ZNF469: variants seen among roughly 807,000 people sequenced by gnomAD.
ZNF469 encodes zinc finger protein 469.
In ZNF469, 1 loss-of-function variant was observed where a neutral mutation model predicts 1.0. The ratio of observed to expected loss-of-function variants is 1.00; its 90% CI spans 0.35 to 4.73. The LOEUF is 4.73. ZNF469 is among the 30% of genes most tolerant of loss of function. The probability of loss-of-function intolerance (pLI) is 0.16; values close to 1 mark genes in which losing one functional copy is unlikely to be tolerated. For synonymous variants in ZNF469, 2,703 were observed against 2,363.4 expected, an observed-to-expected ratio of 1.14 and a Z score of -4.17; for missense variants, 6,100 against 5,356.3, an observed-to-expected ratio of 1.14 and a Z score of -4.33.
chr16:88,159,573 C>G, the ZNF469 span, among the ~76,000 whole-genome samples: 334 of 152,260 alleles, frequency 2.2e-3, no homozygotes, highest in Non-Finnish European at 3.8e-3. Context: ...AAGGAGCAGC[C>G]CTTCCCCGCA....
chr16:88,423,294 G>A (rs57749289), intron 1 of ZNF469, among the ~76,000 whole-genome samples: 2 of 140,168 alleles, frequency 1.4e-5, no homozygotes, highest in Admixed American at 7.1e-5. Flanking sequence ...TGGATGGATA[G>A]GTGGGTGGAT....
the ZNF469 span, among the ~76,000 whole-genome samples, chr16:88,224,807 G>A: frequency 6.6e-6 from 1 of 152,194 alleles, no homozygotes; most frequent in African/African-American, 2.4e-5. Flanking sequence ...ACACACATGT[G>A]CCCTGGGCCC....
the ZNF469 span, among the ~76,000 whole-genome samples, chr16:88,138,299 G>A: frequency 6.6e-6 from 1 of 152,184 alleles, no homozygotes; most frequent in Middle Eastern, 3.2e-3. Flanking sequence ...TCCTAGTGCT[G>A]GGATCGGCCC....
the ZNF469 span, among the ~76,000 whole-genome samples, chr16:88,374,749 C>T: frequency 1.3e-5 from 2 of 152,176 alleles, no homozygotes; most frequent in Non-Finnish European, 2.9e-5. Context: ...GCGCCGTGTG[C>T]TGTGGGCTGA....
chr16:88,279,754 G>T, the ZNF469 span, among the ~76,000 whole-genome samples: 88 of 151,152 alleles, frequency 5.8e-4, no homozygotes, highest in Non-Finnish European at 9.8e-4. Flanking sequence ...CACTCGGTCA[G>T]TACCGTGTAG....
chr16:88,220,560 C>T, the ZNF469 span, among the ~76,000 whole-genome samples: 1 of 152,162 alleles, frequency 6.6e-6, no homozygotes, highest in Non-Finnish European at 1.5e-5. Context: ...TTACTGAGCC[C>T]CTGGAGCAAA....
At chr16:88,322,693 G>A in the ZNF469 span, among the ~76,000 whole-genome samples, 512 of 152,284 alleles carry the variant, frequency 3.4e-3, 1 homozygote, top group Non-Finnish European at 4.5e-3. Context: ...GTCAGGGGTC[G>A]CCCTTGCCTT....
At chr16:88,394,804 G>A (rs1210286403) in intron 1 of ZNF469, among the ~76,000 whole-genome samples, 5 of 152,338 alleles carry the variant, frequency 3.3e-5, no homozygotes, top group East Asian at 1.9e-4. Context: ...CCCTGGACAC[G>A]TCGGAGCCCT....
chr16:88,238,765 G>A, the ZNF469 span, among the ~76,000 whole-genome samples: 3 of 152,244 alleles, frequency 2.0e-5, no homozygotes, highest in Non-Finnish European at 4.4e-5. Flanking sequence ...TGACCCTGGG[G>A]CAGCCATGCC....
chr16:88,315,496 CA>C, the ZNF469 span, among the ~76,000 whole-genome samples: 1 of 152,220 alleles, frequency 6.6e-6, no homozygotes, highest in South Asian at 2.1e-4. Context: ...TTGTTCTTTG[CA>C]GAGCCCGCTG....
the ZNF469 span, among the ~76,000 whole-genome samples, chr16:88,121,349 CAT>C: frequency 9.3e-4 from 141 of 152,262 alleles, no homozygotes; most frequent in African/African-American, 3.3e-3. Flanking sequence ...ACCAACCAAA[CAT>C]AAAAACATAG....
At chr16:88,172,432 T>G in the ZNF469 span, among the ~76,000 whole-genome samples, 1 of 152,226 alleles carries the variant, frequency 6.6e-6, no homozygotes, top group Admixed American at 6.5e-5. Flanking sequence ...AGCCTAAGGC[T>G]GTTTTGGACC....
chr16:88,176,801 T>G, the ZNF469 span, among the ~76,000 whole-genome samples: 1 of 152,238 alleles, frequency 6.6e-6, no homozygotes, highest in African/African-American at 2.4e-5. Flanking sequence ...CTCATCTGCT[T>G]TGCAGTAAGT....
chr16:88,157,314 G>A, the ZNF469 span, among the ~76,000 whole-genome samples: 3 of 152,228 alleles, frequency 2.0e-5, no homozygotes, highest in African/African-American at 4.8e-5. Flanking sequence ...AGCCTCAGGC[G>A]TGGGGCCCAC....
At chr16:88,137,810 G>T in the ZNF469 span, among the ~76,000 whole-genome samples, 1 of 152,226 alleles carries the variant, frequency 6.6e-6, no homozygotes, top group Non-Finnish European at 1.5e-5. Context: ...TACGAGGCAT[G>T]GTCAAGGCTC....
chr16:88,432,637 C>T lies in ZNF469; in HGVS notation c.5167C>T (p.Pro1723Ser). ...CAGGCCCCCCCAAGATGTCTGCCTG[C>T]CTGAGCCCAGCAAGCAGCCTGGCCC... is the stretch of plus-strand genomic sequence containing the variant. Reference protein sequence around the residue: ...DSRPPQDVCLPEPSKQPGPQL... With the variant: ...DSRPPQDVCLSEPSKQPGPQL... The change falls in exon 3 of 3, where the codon CCT (proline) becomes TCT (serine). Residue 1723 changes from proline (P) to serine (S), a missense_variant. By Grantham distance (74) the Pro-to-Ser change is moderately conservative. Coordinates refer to ENST00000565624, the MANE Select transcript of ZNF469 (RefSeq NM_001367624.2). 6.4e-7 allele frequency: 1 copy of T among 1,550,392 alleles called. No homozygotes were observed. Among genetic ancestry groups the T allele is most frequent in the East Asian group, 2.4e-5 (1 of 40,920 alleles).
intron 1 of ZNF469, among the ~76,000 whole-genome samples, chr16:88,390,743 G>A (rs1904463170): frequency 6.6e-6 from 1 of 152,192 alleles, no homozygotes; most frequent in Admixed American, 6.5e-5. Context: ...GTGGCTCCCT[G>A]GGGGAAGGCG....
At chr16:88,354,553 G>A in the ZNF469 span, among the ~76,000 whole-genome samples, 1 of 152,308 alleles carries the variant, frequency 6.6e-6, no homozygotes, top group South Asian at 2.1e-4. Context: ...GTCCAGTAGG[G>A]ATAGCGGGAC....
the ZNF469 span, among the ~76,000 whole-genome samples, chr16:88,137,647 G>A: frequency 6.6e-4 from 101 of 152,256 alleles, no homozygotes; most frequent in Middle Eastern, 3.4e-3. Context: ...AGCTATGTAT[G>A]CATACCACCA....
Sources: gnomAD v4.1 joint callset for allele counts (sites outside exome capture counted in the v4.1 genomes callset) on GRCh38, gnomAD v4.1.1 for gene constraint, MANE v1.5 for transcripts, NCBI Gene and HGNC (gene_info 2026-07-23, HGNC 2026-07-21) for gene names.